The following XKR6 variants were observed in gnomAD, a reference collection of about 807,000 sequenced individuals.
The protein encoded by XKR6 is XK-related protein 6.
Under a neutral mutation model 56.7 loss-of-function variants are expected in XKR6, and 22 were observed. The observed-to-expected ratio is 0.39, with a 90% confidence interval of 0.28 to 0.55. The LOEUF is 0.55. XKR6 is among the 20% of genes least tolerant of loss of function. The pLI is 0.66. For missense variants in XKR6, 852 were observed against 889.0 expected (o/e 0.96, Z 0.53); for synonymous variants, 524 against 387.8 (o/e 1.35, Z -4.13).
intron 1 of XKR6, among the ~76,000 whole-genome samples, chr8:11,084,594 G>A (rs1054019270): frequency 6.6e-6 from 1 of 152,186 alleles, no homozygotes; most frequent in African/African-American, 2.4e-5. Flanking sequence ...AGATTAAGGT[G>A]TAAATTTAGA....
At chr8:10,945,666 A>T (rs997112924) in intron 1 of XKR6, among the ~76,000 whole-genome samples, 11 of 152,062 alleles carry the variant, frequency 7.2e-5, no homozygotes, top group Non-Finnish European at 1.5e-4. Context: ...CGGGCATTTG[A>T]TTTTCTCTAA....
intron 1 of XKR6, among the ~76,000 whole-genome samples, chr8:11,022,253 G>A (rs924868125): frequency 8.6e-5 from 13 of 151,920 alleles, no homozygotes; most frequent in African/African-American, 2.9e-4. Context: ...GCTGCAGAGT[G>A]CTGTTGCCTT....
intron 1 of XKR6, among the ~76,000 whole-genome samples, chr8:10,996,361 G>C (rs143120452): frequency 6.6e-6 from 1 of 152,124 alleles, no homozygotes; most frequent in Non-Finnish European, 1.5e-5. Flanking sequence ...ACAATATCTT[G>C]TTACTGCTCC....
At chr8:10,962,686 C>T (rs1395924810) in intron 1 of XKR6, among the ~76,000 whole-genome samples, 5 of 151,980 alleles carry the variant, frequency 3.3e-5, no homozygotes, top group South Asian at 2.1e-4. Flanking sequence ...AGTGCAATGG[C>T]GTGATCTCAG....
At chr8:11,083,327 C>T (rs890874762) in intron 1 of XKR6, among the ~76,000 whole-genome samples, 3 of 152,122 alleles carry the variant, frequency 2.0e-5, no homozygotes, top group Admixed American at 6.5e-5. Context: ...CCCCATACAC[C>T]GACCCACGGT....
intron 1 of XKR6, among the ~76,000 whole-genome samples, chr8:10,942,445 G>A (rs1801411693): frequency 6.6e-6 from 1 of 152,214 alleles, no homozygotes; most frequent in Non-Finnish European, 1.5e-5. Flanking sequence ...TCTTGCCTGT[G>A]CTTCCCCTCC....
rs113926558 is a variant in XKR6, at chr8:10,905,510, T to C, written c.962-6594A>G. Reference sequence around the variant, plus strand: ...AGAGACGTGGATGTGGCCACAGCCATATCCTGACATTTGCATGCTCACCTA... The same window carrying C: ...AGAGACGTGGATGTGGCCACAGCCACATCCTGACATTTGCATGCTCACCTA... On this transcript the variant is annotated intron_variant, in intron 2 of 2. Coordinates refer to ENST00000416569, the MANE Select transcript of XKR6 (RefSeq NM_173683.4). Among the ~76,000 whole-genome samples the C allele has an allele frequency of 3.5e-3, 537 of 152,282 alleles. 6 individuals carry two copies. The highest frequency in any genetic ancestry group is 0.012 in the African/African-American group (492 of 41,566).
rs192066210 is a variant in XKR6 at position 11,048,899 on chromosome 8, G to A, written c.765-124069C>T. The stretch of plus-strand genomic sequence containing the variant: ...ACTGTCCTGCCCACTCGCTCCAGCC[G>A]GCCCCGCCTGTCTGTCAATTAAGTG... On this transcript the variant is annotated intron_variant, in intron 1 of 2. Transcript: ENST00000416569. Among the ~76,000 whole-genome samples the A allele has an allele frequency of 7.1e-4, 108 of 152,296 alleles. 1 individual carries two copies. The East Asian group carries it at 0.014, about 20-fold the overall frequency.
chr8:11,142,905 A>AT (rs1800778507), intron 1 of XKR6, among the ~76,000 whole-genome samples: 2 of 152,142 alleles, frequency 1.3e-5, no homozygotes, highest in Admixed American at 6.5e-5. Context: ...GATCACAACG[A>AT]TTTTTTTAAA....
intron 1 of XKR6, among the ~76,000 whole-genome samples, chr8:11,083,169 G>C (rs978795513): frequency 6.6e-6 from 1 of 152,168 alleles, no homozygotes; most frequent in Non-Finnish European, 1.5e-5. Flanking sequence ...ACTTCAAAGT[G>C]CCCGTGGGGC....
chr8:11,131,685 T>C (rs541598478), intron 1 of XKR6, among the ~76,000 whole-genome samples: 1 of 152,204 alleles, frequency 6.6e-6, no homozygotes, highest in Non-Finnish European at 1.5e-5. Context: ...TGGTCAATGA[T>C]GGACCACATA....
chr8:10,967,976 C>A (rs1802279209), intron 1 of XKR6, among the ~76,000 whole-genome samples: 1 of 152,172 alleles, frequency 6.6e-6, no homozygotes, highest in South Asian at 2.1e-4. Context: ...AGATGGATAC[C>A]TCGGCCCCTC....
intron 1 of XKR6, among the ~76,000 whole-genome samples, chr8:11,147,282 A>G (rs1374336097): frequency 6.6e-6 from 1 of 152,166 alleles, no homozygotes; most frequent in Admixed American, 6.5e-5. Context: ...ACTTGTACCT[A>G]GAATAAAGAT....
At chr8:11,072,229 C>A (rs532208137) in intron 1 of XKR6, among the ~76,000 whole-genome samples, 27 of 147,412 alleles carry the variant, frequency 1.8e-4, no homozygotes, top group African/African-American at 5.9e-4. Context: ...CAGGGCTCCA[C>A]CCCCTCTCTG....
chr8:10,930,065 T>C (rs1025227969), intron 1 of XKR6, among the ~76,000 whole-genome samples: 2 of 150,144 alleles, frequency 1.3e-5, no homozygotes, highest in African/African-American at 4.9e-5. Flanking sequence ...CCGTCAGTCA[T>C]GGTTCAGGAA....
chr8:11,097,280 C>T (rs1157336555), intron 1 of XKR6, among the ~76,000 whole-genome samples: 2 of 152,160 alleles, frequency 1.3e-5, no homozygotes, highest in African/African-American at 2.4e-5. Flanking sequence ...ATTTTCGTCA[C>T]ACCCTCCCAC....
intron 1 of XKR6, among the ~76,000 whole-genome samples, chr8:10,951,999 G>A (rs1233708961): frequency 1.3e-5 from 2 of 152,194 alleles, no homozygotes; most frequent in Non-Finnish European, 2.9e-5. Flanking sequence ...AGGATCAGCA[G>A]GGGAAATCGT....
At position 11,177,474 on chromosome 8, in the gene XKR6, T is replaced by C. The variant is rs151231739; in HGVS notation, c.764+23102A>G. 2.1e-3 allele frequency among the ~76,000 whole-genome samples: 322 copies of C among 152,214 alleles called. 1 individual carries two copies. The highest frequency in any genetic ancestry group is 7.4e-3 in the African/African-American group (306 of 41,522). ...GGCTCAATTCTCCCTCCCAAAAAGA[T>C]AGATGGAAGTCCTAACCCCCTCCCC... On this transcript the variant is annotated intron_variant, in intron 1 of 2. Transcript: ENST00000416569.
intron 1 of XKR6, among the ~76,000 whole-genome samples, chr8:11,197,805 T>C (rs1438050406): frequency 1.3e-5 from 2 of 152,220 alleles, no homozygotes; most frequent in Non-Finnish European, 2.9e-5. Context: ...TTGACAGGAA[T>C]GGCAAGATGC....
Sources: gnomAD v4.1 joint callset for allele counts (sites outside exome capture counted in the v4.1 genomes callset) on GRCh38, gnomAD v4.1.1 for gene constraint, MANE v1.5 for transcripts, NCBI Gene and HGNC (gene_info 2026-07-23, HGNC 2026-07-21) for gene names.